Variants in CNTNAP3B observed in about 807,000 individuals in gnomAD.
CNTNAP3B encodes the protein contactin associated protein family member 3B.
In CNTNAP3B, 25 loss-of-function variants were observed where a neutral mutation model predicts 108.9. That is an observed-to-expected ratio of 0.23 (90% confidence interval 0.17 to 0.32). The LOEUF (loss-of-function observed/expected upper bound fraction) is 0.32. Among genes scored for constraint, CNTNAP3B ranks in the 10% least tolerant of loss-of-function variants. The pLI, the probability that CNTNAP3B is intolerant of heterozygous loss-of-function variation, is 1.00. For missense variants in CNTNAP3B, 252 were observed against 1,210.4 expected (o/e 0.21, Z 11.75); for synonymous variants, 103 against 473.4 (o/e 0.22, Z 10.16).
At chr9:41,953,452 A>C in intron 12 of CNTNAP3B, 66 bp from the exon 13 acceptor site, 1 of 1,519,228 alleles carries the variant, frequency 6.6e-7, no homozygotes, top group Non-Finnish European at 8.9e-7. Flanking sequence ...GAGGCAAAGC[A>C]GACCTTTTAT....
At position 42,118,372 on chromosome 9, in the gene CNTNAP3B, A is replaced by G. The variant is rs1188372770; in HGVS notation, c.85+10638T>C. On this transcript the variant is annotated intron_variant, in intron 1 of 23. Coordinates refer to ENST00000377561, the MANE Select transcript of CNTNAP3B (RefSeq NM_001201380.3). ...CCCTGGGACGCAAGGCTGGTTCAAC[A>G]TACGAAAATCAATAAATGTAATCCA... Among the ~76,000 whole-genome samples, 9 of 139,902 alleles carry G rather than the reference A, an allele frequency of 6.4e-5. 1 individual carries two copies. Among genetic ancestry groups the G allele is most frequent in the Non-Finnish European group, 1.2e-4 (8 of 65,094 alleles). 91.8% of individuals were successfully genotyped at this position (139,902 alleles called of 152,430 possible).
intron 1 of CNTNAP3B, among the ~76,000 whole-genome samples, chr9:42,110,324 C>A (rs1183774815): frequency 7.3e-6 from 1 of 137,010 alleles, no homozygotes; most frequent in African/African-American, 2.9e-5. Context: ...CTTGCGGCTG[C>A]ACTTGCTCCT....
In CNTNAP3B at chr9:41,968,347, C is replaced by A. The variant is rs566025545; in HGVS notation, c.1649+1727G>T. Among the ~76,000 whole-genome samples the A allele has an allele frequency of 5.8e-4, 82 of 141,054 alleles. 4 individuals are homozygous for A. Among genetic ancestry groups the A allele is most frequent in the African/African-American group, 2.3e-3 (81 of 35,658 alleles). 92.5% of individuals were successfully genotyped at this position (141,054 alleles called of 152,430 possible). ...GCTCCCTGGCTAGTTAGCTGAGCAA[C>A]TTGGGATTATATTAAGTGAGCAAAT... On this transcript the variant is annotated intron_variant, in intron 10 of 23. Coordinates refer to ENST00000377561, the MANE Select transcript of CNTNAP3B (RefSeq NM_001201380.3).
rs1194495739 is a variant in CNTNAP3B at position 41,935,813 on chromosome 9, C to T, written c.2237+2431G>A. On this transcript the variant is annotated intron_variant, in intron 14 of 23. Transcript: ENST00000377561. ...TTAATTTTTAAAACCTGCTTCTCTC[C>T]TGAATTTTTTTCCAAATGAAAGCCC... 2.6e-5 allele frequency among the ~76,000 whole-genome samples: 4 copies of T among 152,404 alleles called. No homozygotes were observed. In the East Asian group the frequency reaches 7.7e-4, roughly 29 times the overall value.
intron 1 of CNTNAP3B, among the ~76,000 whole-genome samples, chr9:42,117,523 G>A (rs1206291088): frequency 7.0e-6 from 1 of 141,874 alleles, no homozygotes; most frequent in Non-Finnish European, 1.5e-5. Context: ...CACATTTAAA[G>A]CAGTGTGGAG....
intron 15 of CNTNAP3B, among the ~76,000 whole-genome samples, chr9:41,927,365 G>T (rs1823849103): frequency 7.7e-6 from 1 of 129,400 alleles, no homozygotes; most frequent in Non-Finnish European, 1.6e-5. Flanking sequence ...AAAAAGCACA[G>T]AAACAGTGCA....
At chr9:41,960,685 T>C in intron 12 of CNTNAP3B, 88 bp downstream of exon 12, 1 of 1,149,806 alleles carries the variant, frequency 8.7e-7, no homozygotes, top group Admixed American at 2.8e-5. Flanking sequence ...GTACACACTA[T>C]CAAACTGCAT....
Position 41,991,879 on chromosome 9 carries a change from TAAAAC to T in CNTNAP3B, c.1072-13_1072-9del, listed in dbSNP as rs1390755748. 104 of 1,126,886 alleles carry T rather than the reference TAAAAC, an allele frequency of 9.2e-5. 1 individual carries two copies. Among genetic ancestry groups the T allele is most frequent in the Middle Eastern group, 3.1e-4 (1 of 3,254 alleles). The allele number at this position is 1,126,886 out of a possible 1,614,324, so 69.8% of individuals were successfully genotyped here. On this transcript the variant is annotated splice_polypyrimidine_tract_variant and intron_variant, in intron 7 of 23. Coordinates refer to ENST00000377561, the MANE Select transcript of CNTNAP3B (RefSeq NM_001201380.3). ...TGAGAAGGACACATTTCCCTATAAA[TAAAAC>T]AAAAGAGCACATTGAGCAGCCTTAC...
In CNTNAP3B at chr9:42,129,199, C is replaced by A; in HGVS notation, c.-105G>T. The A allele has an allele frequency of 7.0e-7, 1 of 1,438,408 alleles. No individual in the cohort carries two copies. Among genetic ancestry groups the A allele is most frequent in the South Asian group, 1.3e-5 (1 of 76,022 alleles). The allele number at this position is 1,438,408 out of a possible 1,614,324, so 89.1% of individuals were successfully genotyped here. A position where few individuals can be genotyped will look rare whatever the true frequency, so the allele number is the denominator to read the frequency against. ...ACTCCCGTCCCCTGCGCGGCTCCGA[C>A]GCTGCTCTGTCTCCCCTGTCCAGTC... On this transcript the variant is annotated 5_prime_UTR_variant, in exon 1 of 24. Coordinates refer to ENST00000377561, the MANE Select transcript of CNTNAP3B (RefSeq NM_001201380.3).
rs562669710 is a variant in CNTNAP3B at position 42,113,719 on chromosome 9, C to A, written c.86-8980G>T. 4.3e-5 allele frequency among the ~76,000 whole-genome samples: 6 copies of A among 139,112 alleles called. 2 individuals carry two copies. Among genetic ancestry groups the A allele is most frequent in the Admixed American group, 4.3e-4 (6 of 14,030 alleles). The allele number at this position is 139,112 out of a possible 152,430, so 91.3% of individuals were successfully genotyped here. A position where few individuals can be genotyped will look rare whatever the true frequency, so the allele number is the denominator to read the frequency against. ...AAAAAATAGAAAAAATGAATAACACCTAGTATTTGATAACACAAGAGGTGA... is the reference window on the plus strand; with the variant it reads ...AAAAAATAGAAAAAATGAATAACACATAGTATTTGATAACACAAGAGGTGA... On this transcript the variant is annotated intron_variant, in intron 1 of 23. Coordinates refer to ENST00000377561, the MANE Select transcript of CNTNAP3B (RefSeq NM_001201380.3).
intron 4 of CNTNAP3B, among the ~76,000 whole-genome samples, chr9:42,010,305 G>A (rs1826110103): frequency 6.8e-6 from 1 of 146,814 alleles, no homozygotes; most frequent in Non-Finnish European, 1.5e-5. Context: ...AACTTGGAAG[G>A]CAATTTCCAT....
rs572226634 is a variant in CNTNAP3B at position 42,112,417 on chromosome 9, G to A, written c.86-7678C>T. Among the ~76,000 whole-genome samples, 44 of 139,064 alleles carry A rather than the reference G, an allele frequency of 3.2e-4. 5 individuals carry two copies. The highest frequency in any genetic ancestry group is 1.1e-4 in the Non-Finnish European group (7 of 64,918). 91.2% of individuals were successfully genotyped at this position (139,064 alleles called of 152,430 possible). ...TGCGGCGGCAGATGGGGATGAGAGG[G>A]AACAGGAGAACCTCACTCCTGAGAA... On this transcript the variant is annotated intron_variant, in intron 1 of 23. Transcript: ENST00000377561.
intron 2 of CNTNAP3B, among the ~76,000 whole-genome samples, chr9:42,079,430 C>T (rs1408677491): frequency 4.9e-5 from 6 of 121,566 alleles, no homozygotes; most frequent in Non-Finnish European, 1.0e-4. Context: ...GTCTAACTAG[C>T]AACCAATGGT....
At chr9:42,112,040 G>C (rs1428376709) in intron 1 of CNTNAP3B, among the ~76,000 whole-genome samples, 1 of 139,084 alleles carries the variant, frequency 7.2e-6, no homozygotes, top group Non-Finnish European at 1.5e-5. Flanking sequence ...TCCATCACCT[G>C]TTCCCCGTTA....
rs1828644301 is a variant in CNTNAP3B at position 42,129,416 on chromosome 9, C to G, written c.-322G>C. 1.3e-5 allele frequency: 4 copies of G among 309,324 alleles called. No individual in the cohort carries two copies. The South Asian group carries it at 3.9e-4, about 30-fold the overall frequency. The allele number at this position is 309,324 out of a possible 1,614,324, so 19.2% of individuals were successfully genotyped here. On this transcript the variant is annotated 5_prime_UTR_variant, in exon 1 of 24. Coordinates refer to ENST00000377561, the MANE Select transcript of CNTNAP3B (RefSeq NM_001201380.3). Reference sequence around the variant, plus strand: ...ACTAGGCGCGGGAGGCGGCCGGCACCAACGCGAGTCAAGAAGCGAGCGGGA... The same window carrying G: ...ACTAGGCGCGGGAGGCGGCCGGCACGAACGCGAGTCAAGAAGCGAGCGGGA...
intron 10 of CNTNAP3B, among the ~76,000 whole-genome samples, chr9:41,965,269 C>T (rs1449642411): frequency 6.6e-6 from 1 of 152,264 alleles, no homozygotes; most frequent in African/African-American, 2.4e-5. Context: ...ATAATCCATC[C>T]TAAAATTCAC....
chr9:41,918,971 T>C (rs922518862), intron 18 of CNTNAP3B, among the ~76,000 whole-genome samples: 4 of 151,930 alleles, frequency 2.6e-5, no homozygotes, highest in African/African-American at 2.4e-5. Flanking sequence ...AAAGCCTGTT[T>C]TGCTGCTAAA....
chr9:42,087,777 G>A (rs1312052802), intron 2 of CNTNAP3B, among the ~76,000 whole-genome samples: 1 of 138,160 alleles, frequency 7.2e-6, no homozygotes, highest in Non-Finnish European at 1.5e-5. Context: ...TTGGCAATGG[G>A]AGTATAACAT....
intron 4 of CNTNAP3B, among the ~76,000 whole-genome samples, chr9:42,003,167 G>A (rs572567358): frequency 2.1e-5 from 3 of 139,768 alleles, no homozygotes; most frequent in African/African-American, 5.6e-5. Flanking sequence ...GGGATTACAG[G>A]CATAAGCCAC....
Sources: allele counts gnomAD v4.1 joint callset (sites outside exome capture counted in the v4.1 genomes callset), GRCh38; gene constraint gnomAD v4.1.1; transcripts MANE v1.5; gene names NCBI Gene and HGNC (gene_info 2026-07-23, HGNC 2026-07-21).